DOCK8: variants seen among roughly 807,000 people sequenced by gnomAD.
The protein encoded by DOCK8 is dedicator of cytokinesis 8, also known as dedicator of cytokinesis protein 8.
In DOCK8, 141 loss-of-function variants were observed where a neutral mutation model predicts 245.6. The ratio of observed to expected loss-of-function variants is 0.57; its 90% CI spans 0.50 to 0.66. The LOEUF (loss-of-function observed/expected upper bound fraction) is 0.66. Ranked by LOEUF, DOCK8 falls within the 30% of genes least tolerant of loss-of-function variation. The pLI is 0.00. For synonymous variants in DOCK8, 1,168 were observed against 970.2 expected (o/e 1.20, Z -3.79); for missense variants, 2,965 against 2,603.4 (o/e 1.14, Z -3.02).
At chr9:333,713 A>T (rs963296210) in intron 10 of DOCK8, among the ~76,000 whole-genome samples, 4 of 40,434 alleles carry the variant, frequency 9.9e-5, no homozygotes, top group East Asian at 2.5e-4. Context: ...TTTTTTTTTA[A>T]AATCTGTCTT....
chr9:446,187 C>A (rs1242425163), intron 43 of DOCK8, among the ~76,000 whole-genome samples, 183 bp from the exon 44 acceptor site: 1 of 152,224 alleles, frequency 6.6e-6, no homozygotes, highest in Non-Finnish European at 1.5e-5. Flanking sequence ...CTTGCAGCCC[C>A]TTCTGTCCTT....
At chr9:258,642 G>C (rs962982670) in intron 1 of DOCK8, among the ~76,000 whole-genome samples, 2 of 135,734 alleles carry the variant, frequency 1.5e-5, no homozygotes, top group Non-Finnish European at 3.0e-5. Flanking sequence ...CTGTTGCCCA[G>C]GCTGGGGTAC....
chr9:268,103 A>T (rs371533697), intron 1 of DOCK8: 2 of 152,210 alleles, frequency 1.3e-5, no homozygotes, highest in African/African-American at 4.8e-5. Flanking sequence ...TGCTAGCTTA[A>T]TATGTGTGTA....
intron 15 of DOCK8, chr9:368,539 C>G: frequency 2.1e-6 from 1 of 475,202 alleles, no homozygotes; most frequent in African/African-American, 1.9e-5. Flanking sequence ...CACACTTACT[C>G]AAGCCTCGGA....
At chr9:402,640 T>G (rs1381606716) in intron 26 of DOCK8, among the ~76,000 whole-genome samples, 1 of 152,226 alleles carries the variant, frequency 6.6e-6, no homozygotes, top group Non-Finnish European at 1.5e-5. Flanking sequence ...ACTTTATCAT[T>G]TTGCATAACC....
intron 1 of DOCK8, among the ~76,000 whole-genome samples, chr9:224,131 T>C (rs2046940865): frequency 6.6e-6 from 1 of 152,212 alleles, no homozygotes; most frequent in Non-Finnish European, 1.5e-5. Context: ...ATAAATTGCA[T>C]GGTACTGCAT....
At chr9:452,202 G>T in intron 46 of DOCK8, 85 bp downstream of exon 46, 4 of 847,598 alleles carry the variant, frequency 4.7e-6, no homozygotes. Flanking sequence ...CATCACCTGA[G>T]AACTTGCTAG....
intron 22 of DOCK8, among the ~76,000 whole-genome samples, chr9:384,513 T>G (rs1381849501): frequency 6.6e-6 from 1 of 152,188 alleles, no homozygotes; most frequent in African/African-American, 2.4e-5. Context: ...ACTGCCCCGC[T>G]GTGTGGCCAT....
chr9:407,416 C>T lies in DOCK8; in HGVS notation c.3530+347C>T, dbSNP rs567985938. Among the ~76,000 whole-genome samples the T allele has an allele frequency of 7.9e-5, 12 of 152,330 alleles. No homozygotes were observed. The South Asian group carries it at 1.9e-3, about 24-fold the overall frequency. On this transcript the variant is annotated intron_variant, in intron 28 of 47. Transcript: ENST00000432829. The stretch of plus-strand genomic sequence containing the variant: ...CATTTTTAACAAAGGGGATAGCATG[C>T]AGAGGCAACCACAAGATGTCACTTG...
chr9:414,707 ACT>A (rs1256265096), intron 28 of DOCK8, 73 bp from the exon 29 acceptor site: 6 of 1,585,120 alleles, frequency 3.8e-6, no homozygotes, highest in African/African-American at 1.3e-5. Flanking sequence ...CGTTTTCATC[ACT>A]CTTGACTGTT....
chr9:248,524 CCT>C (rs760729221), intron 1 of DOCK8, among the ~76,000 whole-genome samples: 95 of 149,830 alleles, frequency 6.3e-4, no homozygotes, highest in Admixed American at 8.7e-4. Flanking sequence ...TCCTTCCCTC[CCT>C]CTCTCTCTTT....
At chr9:388,171 A>G (rs1474096766) in intron 23 of DOCK8, among the ~76,000 whole-genome samples, 2 of 152,286 alleles carry the variant, frequency 1.3e-5, no homozygotes, top group Admixed American at 6.5e-5. Context: ...CTTTCCTACA[A>G]TGAGAAGATC....
At chr9:301,412 A>G (rs537416653) in intron 4 of DOCK8, among the ~76,000 whole-genome samples, 1 of 152,364 alleles carries the variant, frequency 6.6e-6, no homozygotes, top group Admixed American at 6.5e-5. Context: ...AAAAGCTGGA[A>G]GCGTTCCTCT....
Position 400,865 on chromosome 9 carries a change from ACCATCACCACCACCT to A in DOCK8, c.3234+1610_3234+1624del, listed in dbSNP as rs1416574773. 2.1e-4 allele frequency among the ~76,000 whole-genome samples: 21 copies of A among 101,366 alleles called. 3 individuals carry two copies. Among genetic ancestry groups the A allele is most frequent in the African/African-American group, 5.0e-4 (10 of 19,834 alleles). The allele number at this position is 101,366 out of a possible 152,430, so 66.5% of individuals were successfully genotyped here. ...CACCTCCACCATCACCACCTCCTCC[ACCATCACCACCACCT>A]CCACCACCACCACCTCCCCCACTAC... On this transcript the variant is annotated intron_variant, in intron 26 of 47. Transcript: ENST00000432829.
At chr9:375,420 CAT>C (rs1472205415) in intron 18 of DOCK8, among the ~76,000 whole-genome samples, 1 of 152,158 alleles carries the variant, frequency 6.6e-6, no homozygotes, top group Non-Finnish European at 1.5e-5. Context: ...GGCCTAGAAA[CAT>C]GTGGGAAACA....
chr9:418,221 CAT>C lies in DOCK8; in HGVS notation c.3840+15_3840+16del, dbSNP rs1370191154. The C allele has an allele frequency of 1.2e-6, 2 of 1,614,002 alleles. No individual in the cohort carries two copies. Among genetic ancestry groups the C allele is most frequent in the South Asian group, 2.2e-5 (2 of 91,084 alleles). ...CTGTCTTCCTTGGTATGTTGGTGCA[CAT>C]GTGTCTGGTTGATTTTTCATTTCAT... is the stretch of plus-strand genomic sequence containing the variant. On this transcript the variant is annotated intron_variant, in intron 30 of 47. Coordinates refer to ENST00000432829, the MANE Select transcript of DOCK8 (RefSeq NM_203447.4).
At chr9:293,058 G>T (rs2049110371) in intron 4 of DOCK8, among the ~76,000 whole-genome samples, 1 of 152,156 alleles carries the variant, frequency 6.6e-6, no homozygotes, top group South Asian at 2.1e-4. Context: ...CTAGGGATGG[G>T]ATTACCATTG....
chr9:280,900 C>G (rs2048551800), intron 2 of DOCK8: 1 of 152,230 alleles, frequency 6.6e-6, no homozygotes, highest in South Asian at 2.1e-4. Context: ...GAAGCCGTCA[C>G]AAAAGGTAAA....
At chr9:216,554 A>AAAAAG (rs1188826653) in intron 1 of DOCK8, among the ~76,000 whole-genome samples, 37 of 150,898 alleles carry the variant, frequency 2.5e-4, no homozygotes, top group African/African-American at 8.8e-4. Flanking sequence ...AAAAAAAAAA[A>AAAAAG]AGCAAAAACA....
Sources: gnomAD v4.1 joint callset for allele counts (sites outside exome capture counted in the v4.1 genomes callset) on GRCh38, gnomAD v4.1.1 for gene constraint, MANE v1.5 for transcripts, NCBI Gene and HGNC (gene_info 2026-07-23, HGNC 2026-07-21) for gene names.